IL20RB: variants seen among roughly 807,000 people sequenced by gnomAD.
IL20RB encodes the protein interleukin 20 receptor subunit beta, also known as interleukin-20 receptor subunit beta.
IL20RB carries 21 observed loss-of-function variants against 33.3 expected under a neutral mutation model. The ratio of observed to expected loss-of-function variants is 0.63; its 90% CI spans 0.45 to 0.91. The LOEUF (loss-of-function observed/expected upper bound fraction) is 0.91. Among genes scored for constraint, IL20RB ranks in the 40% least tolerant of loss-of-function variants. The pLI, the probability that IL20RB is intolerant of heterozygous loss-of-function variation, is 0.00. For missense variants in IL20RB, 345 were observed against 384.8 expected, an observed-to-expected ratio of 0.90 and a Z score of 0.86; for synonymous variants, 147 against 146.8, an observed-to-expected ratio of 1.00 and a Z score of -0.01.
At position 136,995,446 on chromosome 3, in the gene IL20RB, G is replaced by A; in HGVS notation, c.715G>A (p.Ala239Thr). ...EAIPLVLALF[A>T]FVGFMLILVV... ...CATTCCCCTGGTACTGGCCCTGTTT[G>A]CCTTTGTTGGCTTCATGCTGATCCT... Residue 239 changes from alanine to threonine, a missense_variant, in exon 6 of 7, where the codon GCC becomes ACC. Physicochemically the swap from Ala to Thr is moderately conservative, Grantham distance 58. Coordinates refer to ENST00000329582, the MANE Select transcript of IL20RB (RefSeq NM_144717.4). The A allele has an allele frequency of 3.1e-6, 5 of 1,614,110 alleles. No homozygotes were observed. The highest frequency in any genetic ancestry group is 4.2e-6 in the Non-Finnish European group (5 of 1,180,018).
At chr3:137,007,924 A>G (rs1932966216) in intron 6 of IL20RB, among the ~76,000 whole-genome samples, 4 of 152,200 alleles carry the variant, frequency 2.6e-5, no homozygotes, top group Admixed American at 2.6e-4. Flanking sequence ...CTTGGAACGC[A>G]ATCCCACCAA....
At position 136,980,565 on chromosome 3, in the gene IL20RB, CAG is replaced by C. The variant is rs1344641846; in HGVS notation, c.189_190del (p.Tyr65LeufsTer28). 1 of 1,614,186 alleles carries C rather than the reference CAG, an allele frequency of 6.2e-7. No individual in the cohort carries two copies. Among genetic ancestry groups the C allele is most frequent in the Non-Finnish European group, 8.5e-7 (1 of 1,180,038 alleles). ...AGCCCAGTGATCGCGCCTGGAGAAA[CAG>C]TGTACTATTCTGTCGAATACCAGGG... is the stretch of plus-strand genomic sequence containing the variant. On this transcript the variant is annotated frameshift_variant, in exon 2 of 7. Transcript: ENST00000329582. LOFTEE classifies it high-confidence loss of function.
At chr3:136,983,571 C>T (rs1225131853) in intron 3 of IL20RB, among the ~76,000 whole-genome samples, 2 of 152,066 alleles carry the variant, frequency 1.3e-5, no homozygotes, top group East Asian at 1.9e-4. Flanking sequence ...TTAGAAAGGA[C>T]AGAGCTTAGG....
At chr3:136,974,106 TTC>T (rs919081930) in intron 1 of IL20RB, among the ~76,000 whole-genome samples, 16 of 152,300 alleles carry the variant, frequency 1.1e-4, no homozygotes, top group African/African-American at 1.9e-4. Context: ...TTAATTTTTT[TTC>T]TGTTTGTTTT....
At position 137,010,308 on chromosome 3, in the gene IL20RB, C is replaced by A; in HGVS notation, c.*85C>A. 1.3e-6 allele frequency: 1 copy of A among 744,410 alleles called. No homozygotes were observed. Among genetic ancestry groups the A allele is most frequent in the Non-Finnish European group, 2.5e-6 (1 of 405,082 alleles). 46.1% of individuals were successfully genotyped at this position (744,410 alleles called of 1,614,324 possible). A position where few individuals can be genotyped will look rare whatever the true frequency, so the allele number is the denominator to read the frequency against. ...GGGGACAAGTTGTGTTTCTGTTTTC[C>A]GCCACGGACAAGGGATGAGAGAAGT... On this transcript the variant is annotated 3_prime_UTR_variant, in exon 7 of 7. Coordinates refer to ENST00000329582, the MANE Select transcript of IL20RB (RefSeq NM_144717.4).
intron 6 of IL20RB, among the ~76,000 whole-genome samples, chr3:136,998,259 A>G (rs1384336701): frequency 6.6e-6 from 1 of 150,760 alleles, no homozygotes; most frequent in Non-Finnish European, 1.5e-5. Context: ...TGGTTGTCCT[A>G]AGAGTTACAA....
intron 6 of IL20RB, among the ~76,000 whole-genome samples, chr3:137,006,201 T>C (rs1942346733): frequency 6.6e-6 from 1 of 152,016 alleles, no homozygotes; most frequent in East Asian, 1.9e-4. Flanking sequence ...CTTAACACTT[T>C]TTCCTTCATT....
intron 2 of IL20RB, among the ~76,000 whole-genome samples, chr3:136,980,889 CACTGGAG>C (rs1357610674): frequency 6.6e-6 from 1 of 152,162 alleles, no homozygotes; most frequent in Non-Finnish European, 1.5e-5. Flanking sequence ...ATGGATAAAT[CACTGGAG>C]ACTCAGATCC....
intron 5 of IL20RB, among the ~76,000 whole-genome samples, chr3:136,993,123 G>A (rs188225757): frequency 6.6e-6 from 1 of 152,248 alleles, no homozygotes; most frequent in Non-Finnish European, 1.5e-5. Flanking sequence ...GGCACTTTGG[G>A]AGGCTGAGGC....
rs576945784 is a variant in IL20RB at position 137,002,171 on chromosome 3, T to C, written c.825+6615T>C. Among the ~76,000 whole-genome samples the C allele has an allele frequency of 1.6e-4, 24 of 152,332 alleles. No individual in the cohort carries two copies. In the South Asian group the frequency reaches 4.6e-3, roughly 29 times the overall value. ...TGCCACATTTTCTTAATCCAGTCTA[T>C]CATTGATGGACATTTGGGTTGGTTC... On this transcript the variant is annotated intron_variant, in intron 6 of 6. Coordinates refer to ENST00000329582, the MANE Select transcript of IL20RB (RefSeq NM_144717.4).
intron 6 of IL20RB, among the ~76,000 whole-genome samples, chr3:137,005,577 A>C (rs1942333938): frequency 6.6e-6 from 1 of 152,166 alleles, no homozygotes; most frequent in Non-Finnish European, 1.5e-5. Context: ...ATCAGAGACT[A>C]GGATTGCAAC....
intron 6 of IL20RB, 39 bp downstream of exon 6, chr3:136,995,595 G>T: frequency 1.2e-6 from 2 of 1,605,026 alleles, no homozygotes; most frequent in South Asian, 2.2e-5. Context: ...GTATAACACT[G>T]ACCAGATGTA....
intron 1 of IL20RB, among the ~76,000 whole-genome samples, chr3:136,969,813 C>G (rs1345348142): frequency 5.9e-5 from 9 of 152,206 alleles, no homozygotes; most frequent in African/African-American, 1.9e-4. Flanking sequence ...ATCTCATCCT[C>G]TTAACATGGG....
At chr3:136,997,519 TTATGA>T (rs1471170117) in intron 6 of IL20RB, among the ~76,000 whole-genome samples, 4 of 152,158 alleles carry the variant, frequency 2.6e-5, no homozygotes, top group Non-Finnish European at 4.4e-5. Flanking sequence ...TCTTTTATCA[TTATGA>T]TATGTTCTTC....
chr3:136,982,299 T>C lies in IL20RB; in HGVS notation c.355T>C (p.Ser119Pro), dbSNP rs753406704. The change falls in exon 3 of 7, where the codon TCA (serine) becomes CCA (proline). Residue 119 changes from serine (S) to proline (P), a missense_variant. By Grantham distance (74) the Ser-to-Pro change is moderately conservative. Coordinates refer to ENST00000329582, the MANE Select transcript of IL20RB (RefSeq NM_144717.4). Reference protein sequence around the residue: ...YNLRVRATLGSQTSAWSILKH... With the variant: ...YNLRVRATLGPQTSAWSILKH... ...CCTTCGTGTCAGGGCCACATTGGGC[T>C]CACAGACCTCAGCCTGGAGCATCCT... is the stretch of plus-strand genomic sequence containing the variant. The C allele has an allele frequency of 1.2e-6, 2 of 1,609,380 alleles. No individual in the cohort carries two copies. The highest frequency in any genetic ancestry group is 2.2e-5 in the East Asian group (1 of 44,718).
chr3:136,999,138 T>A (rs1942192023), intron 6 of IL20RB, among the ~76,000 whole-genome samples: 1 of 152,046 alleles, frequency 6.6e-6, no homozygotes, highest in Non-Finnish European at 1.5e-5. Context: ...ACTCTGCCAC[T>A]CAGGCTGGAG....
At chr3:136,963,694 T>TA (rs1560064440) in intron 1 of IL20RB, among the ~76,000 whole-genome samples, 5 of 114,602 alleles carry the variant, frequency 4.4e-5, no homozygotes, top group East Asian at 2.7e-4. Context: ...TTTTTTTTTA[T>TA]TTTTTTTTTT....
intron 6 of IL20RB, among the ~76,000 whole-genome samples, chr3:137,001,960 T>C (rs1362473248): frequency 6.6e-6 from 1 of 152,146 alleles, no homozygotes; most frequent in East Asian, 1.9e-4. Flanking sequence ...GTGTGTGATG[T>C]TCCCTGCACT....
intron 1 of IL20RB, among the ~76,000 whole-genome samples, chr3:136,963,212 G>A (rs923110676): frequency 1.3e-5 from 2 of 152,128 alleles, no homozygotes; most frequent in Non-Finnish European, 2.9e-5. Context: ...CCATTCACCT[G>A]TTGAAGGACA....
Sources: allele counts gnomAD v4.1 joint callset (sites outside exome capture counted in the v4.1 genomes callset), GRCh38; gene constraint gnomAD v4.1.1; transcripts MANE v1.5; gene names NCBI Gene and HGNC (gene_info 2026-07-23, HGNC 2026-07-21).